RGS6: variants seen among roughly 807,000 people sequenced by gnomAD.
RGS6 encodes regulator of G protein signaling 6.
A neutral mutation model predicts 78.5 loss-of-function variants in RGS6; 30 were observed. That is an observed-to-expected ratio of 0.38 (90% CI 0.29 to 0.52). RGS6 has a LOEUF of 0.52. RGS6 is among the 20% of genes least tolerant of loss of function. RGS6 has a pLI of 0.85. For missense variants in RGS6, 495 were observed against 609.7 expected (o/e 0.81, Z 1.98); for synonymous variants, 206 against 206.0 (o/e 1.00, Z 0.00).
the RGS6 span, among the ~76,000 whole-genome samples, chr14:71,905,059 C>T: frequency 8.5e-5 from 13 of 152,198 alleles, no homozygotes; most frequent in East Asian, 1.9e-4. Context: ...CTGTTATGCA[C>T]GAAAATTTGA....
At chr14:71,903,598 G>C in the RGS6 span, among the ~76,000 whole-genome samples, 147 of 152,328 alleles carry the variant, frequency 9.7e-4, no homozygotes, top group Non-Finnish European at 1.7e-3. Flanking sequence ...TAACGAGCCT[G>C]AATGGGACTG....
downstream of RGS6, among the ~76,000 whole-genome samples, chr14:72,568,688 CT>C: frequency 2.0e-5 from 3 of 152,360 alleles, no homozygotes; most frequent in Middle Eastern, 6.8e-3. Flanking sequence ...CAGATTCCCG[CT>C]GCCCATCTAG....
intron 3 of RGS6, among the ~76,000 whole-genome samples, chr14:72,396,420 T>C (rs543775929): frequency 6.6e-6 from 1 of 152,324 alleles, no homozygotes; most frequent in African/African-American, 2.4e-5. Flanking sequence ...TGGAGTTCAT[T>C]GTAGATTCTG....
At chr14:72,384,552 T>C (rs922778383) in intron 3 of RGS6, among the ~76,000 whole-genome samples, 6 of 152,178 alleles carry the variant, frequency 3.9e-5, no homozygotes, top group South Asian at 2.1e-4. Flanking sequence ...AGATCACTTA[T>C]TGGCTGTTGT....
chr14:72,054,432 C>T (rs2093507619), intron 2 of RGS6, among the ~76,000 whole-genome samples: 1 of 152,120 alleles, frequency 6.6e-6, no homozygotes, highest in Non-Finnish European at 1.5e-5. Context: ...AAGATGGAAC[C>T]TGAAAGATGG....
intron 13 of RGS6, among the ~76,000 whole-genome samples, chr14:72,496,141 T>A (rs1383491357): frequency 3.9e-5 from 6 of 152,214 alleles, no homozygotes; most frequent in Non-Finnish European, 8.8e-5. Flanking sequence ...ATTATCCAGA[T>A]GTGCATAAAG....
chr14:72,267,770 T>A (rs1421184449), intron 2 of RGS6, among the ~76,000 whole-genome samples: 2 of 152,226 alleles, frequency 1.3e-5, no homozygotes, highest in African/African-American at 4.8e-5. Flanking sequence ...GTTAGAATAT[T>A]CCTCAGAGCT....
At chr14:72,512,226 A>T (rs1283099742) in intron 14 of RGS6, among the ~76,000 whole-genome samples, 1 of 152,198 alleles carries the variant, frequency 6.6e-6, no homozygotes, top group African/African-American at 2.4e-5. Flanking sequence ...GCACTCTTGC[A>T]GAGAGCTTGA....
chr14:72,066,800 T>C (rs1276922529), intron 2 of RGS6, among the ~76,000 whole-genome samples: 9 of 151,378 alleles, frequency 5.9e-5, no homozygotes, highest in Non-Finnish European at 1.3e-4. Flanking sequence ...TCTTATACTT[T>C]AGAGGCAATT....
At chr14:72,491,376 G>A (rs910160872) in intron 12 of RGS6, among the ~76,000 whole-genome samples, 2 of 151,572 alleles carry the variant, frequency 1.3e-5, no homozygotes, top group South Asian at 4.2e-4. Flanking sequence ...AAAAGGAAAC[G>A]ATTAAGTAAA....
chr14:72,622,305 A>G, the RGS6 span, among the ~76,000 whole-genome samples: 1 of 152,162 alleles, frequency 6.6e-6, no homozygotes, highest in Non-Finnish European at 1.5e-5. Flanking sequence ...ACAGGCAGAG[A>G]AAAAAAGACT....
chr14:72,110,078 T>A (rs2095719029), intron 2 of RGS6, among the ~76,000 whole-genome samples: 1 of 152,218 alleles, frequency 6.6e-6, no homozygotes, highest in Admixed American at 6.5e-5. Flanking sequence ...TCTTAAAAAG[T>A]CAGTAGTGCA....
At chr14:72,546,107 G>T (rs1463100683) in intron 17 of RGS6, among the ~76,000 whole-genome samples, 1 of 152,118 alleles carries the variant, frequency 6.6e-6, no homozygotes, top group Non-Finnish European at 1.5e-5. Flanking sequence ...GGGAACCCTG[G>T]GCCAGCTTGT....
chr14:72,540,143 TTTTC>T (rs2097303074), intron 17 of RGS6, 49 bp downstream of exon 17: 3 of 1,550,618 alleles, frequency 1.9e-6, no homozygotes, highest in African/African-American at 2.8e-5. Context: ...GGTTTTGGTT[TTTTC>T]TTTCTTCTTC....
chr14:72,293,104 A>G (rs1224306928), intron 2 of RGS6, among the ~76,000 whole-genome samples: 1 of 152,006 alleles, frequency 6.6e-6, no homozygotes, highest in Non-Finnish European at 1.5e-5. Context: ...ACTCTGTGCT[A>G]GTTAGTTTCT....
chr14:72,155,473 T>C (rs1419075386), intron 2 of RGS6, among the ~76,000 whole-genome samples: 1 of 152,182 alleles, frequency 6.6e-6, no homozygotes, highest in African/African-American at 2.4e-5. Flanking sequence ...ACAATGCAGA[T>C]TAGTAATATC....
At chr14:72,295,373 G>A (rs2064587167) in intron 2 of RGS6, among the ~76,000 whole-genome samples, 1 of 151,964 alleles carries the variant, frequency 6.6e-6, no homozygotes, top group African/African-American at 2.4e-5. Context: ...AAGGGAGAGT[G>A]CTCTGGTGCA....
chr14:71,957,932 A>G (rs1300599610), intron 1 of RGS6, among the ~76,000 whole-genome samples: 1 of 151,586 alleles, frequency 6.6e-6, no homozygotes, highest in Non-Finnish European at 1.5e-5. Context: ...ATGCCTGGCT[A>G]ATTTTTGTAT....
intron 2 of RGS6, among the ~76,000 whole-genome samples, chr14:72,019,407 T>A (rs1393242443): frequency 1.3e-5 from 2 of 152,168 alleles, no homozygotes; most frequent in Non-Finnish European, 2.9e-5. Flanking sequence ...GAATTAGCAA[T>A]TTTTTTCATG....
Sources: allele counts gnomAD v4.1 joint callset (sites outside exome capture counted in the v4.1 genomes callset), GRCh38; gene constraint gnomAD v4.1.1; transcripts MANE v1.5; gene names NCBI Gene and HGNC (gene_info 2026-07-23, HGNC 2026-07-21).